CCDC171: variants seen among roughly 807,000 people sequenced by gnomAD.
CCDC171 encodes the protein coiled-coil domain containing 171.
A neutral mutation model predicts 168.2 loss-of-function variants in CCDC171; 177 were observed. The ratio of observed to expected loss-of-function variants is 1.05; its 90% CI spans 0.93 to 1.19. The LOEUF is 1.19. Among genes scored for constraint, CCDC171 ranks in the 50% most tolerant of loss-of-function variants. The probability of loss-of-function intolerance (pLI) is 0.00; values close to 1 mark genes in which losing one functional copy is unlikely to be tolerated. For synonymous variants in CCDC171, 687 were observed against 540.8 expected, an observed-to-expected ratio of 1.27 and a Z score of -3.75; for missense variants, 1,991 against 1,539.0, an observed-to-expected ratio of 1.29 and a Z score of -4.91.
At chr9:15,923,747 T>C (rs566863829) in intron 25 of CCDC171, among the ~76,000 whole-genome samples, 1 of 151,644 alleles carries the variant, frequency 6.6e-6, no homozygotes, top group South Asian at 2.1e-4. Context: ...GTGTTGTACA[T>C]GATAAATACA....
At chr9:15,622,528 A>AG (rs1452622225) in intron 6 of CCDC171, among the ~76,000 whole-genome samples, 2 of 152,208 alleles carry the variant, frequency 1.3e-5, no homozygotes, top group Non-Finnish European at 2.9e-5. Context: ...TACTGTGGTG[A>AG]GGGAAATGTG....
chr9:15,715,879 C>T (rs751328187), intron 11 of CCDC171, among the ~76,000 whole-genome samples: 3 of 152,098 alleles, frequency 2.0e-5, no homozygotes, highest in Non-Finnish European at 2.9e-5. Flanking sequence ...TAAAAGGAAA[C>T]GTGTAAATAG....
intron 9 of CCDC171, among the ~76,000 whole-genome samples, chr9:15,670,136 T>C (rs962195178): frequency 6.6e-6 from 1 of 152,028 alleles, no homozygotes; most frequent in Non-Finnish European, 1.5e-5. Context: ...CTCCACTTAC[T>C]CCTTCTTGGT....
chr9:16,052,134 C>G (rs1032970460), intron 1 of CCDC171, among the ~76,000 whole-genome samples: 1 of 152,198 alleles, frequency 6.6e-6, no homozygotes, highest in Admixed American at 6.5e-5. Flanking sequence ...AACCAAATCA[C>G]CCCTTTTGTT....
At chr9:16,068,362 C>T in the CCDC171 span, among the ~76,000 whole-genome samples, 3 of 151,980 alleles carry the variant, frequency 2.0e-5, no homozygotes, top group South Asian at 2.1e-4. Flanking sequence ...GAATCAATAT[C>T]GTGAAAATGG....
chr9:16,017,247 A>G (rs1833049304), intron 3 of CCDC171, among the ~76,000 whole-genome samples: 1 of 152,166 alleles, frequency 6.6e-6, no homozygotes, highest in African/African-American at 2.4e-5. Flanking sequence ...TTATTGGTAT[A>G]TTGACATTAT....
chr9:15,908,269 T>C (rs991117215), intron 24 of CCDC171, among the ~76,000 whole-genome samples: 6 of 152,170 alleles, frequency 3.9e-5, no homozygotes, highest in Admixed American at 2.6e-4. Flanking sequence ...TGTCCAACCA[T>C]GATAGACTGG....
intron 6 of CCDC171, among the ~76,000 whole-genome samples, chr9:15,618,329 C>G (rs2044245306): frequency 6.6e-6 from 1 of 152,214 alleles, no homozygotes; most frequent in Non-Finnish European, 1.5e-5. Flanking sequence ...CAGGAGAAAA[C>G]CACCTACGAA....
chr9:16,019,194 C>G (rs911553558), intron 3 of CCDC171, among the ~76,000 whole-genome samples: 1 of 152,146 alleles, frequency 6.6e-6, no homozygotes. Context: ...GAACCCTGAC[C>G]TCTTCTCTCC....
At chr9:15,788,795 C>T (rs2058100029) in intron 21 of CCDC171, among the ~76,000 whole-genome samples, 1 of 151,940 alleles carries the variant, frequency 6.6e-6, no homozygotes, top group Non-Finnish European at 1.5e-5. Flanking sequence ...TCAAGCGATC[C>T]CCTTGTCTTG....
At chr9:15,636,235 G>A (rs997238362) in intron 7 of CCDC171, among the ~76,000 whole-genome samples, 1 of 152,030 alleles carries the variant, frequency 6.6e-6, no homozygotes, top group Non-Finnish European at 1.5e-5. Flanking sequence ...CAACAGAAAT[G>A]CCAAATATGA....
At chr9:15,791,711 C>G (rs566990344) in intron 21 of CCDC171, among the ~76,000 whole-genome samples, 44 of 152,288 alleles carry the variant, frequency 2.9e-4, no homozygotes, top group African/African-American at 1.1e-3. Context: ...ACCCGGCAAA[C>G]AGGGTCTGGA....
At chr9:16,095,940 A>G in the CCDC171 span, among the ~76,000 whole-genome samples, 3 of 148,916 alleles carry the variant, frequency 2.0e-5, no homozygotes, top group Admixed American at 6.8e-5. Flanking sequence ...GGGTATGTCT[A>G]TATATAATAT....
intron 7 of CCDC171, among the ~76,000 whole-genome samples, chr9:15,655,179 T>A (rs1490863912): frequency 1.3e-5 from 2 of 149,484 alleles, no homozygotes; most frequent in African/African-American, 2.4e-5. Context: ...ACTTAAAGTA[T>A]AAAAAAAAAA....
Position 15,777,618 on chromosome 9 carries a change from G to C in CCDC171, c.2690G>C (p.Cys897Ser). The change falls in exon 19 of 26, where the codon TGT (cysteine) becomes TCT (serine). Residue 897 changes from cysteine (C) to serine (S), a missense_variant. By Grantham distance (112) the Cys-to-Ser change is moderately radical. Transcript: ENST00000380701. ...TTTGAAGATCCAAATTCCAGAATTTGTGGACATTTACTCATAGGTGCAGCC... is the reference window on the plus strand; with the variant it reads ...TTTGAAGATCCAAATTCCAGAATTTCTGGACATTTACTCATAGGTGCAGCC... ...IGKADPNSRICGHLLIGAAKN... is the reference protein window; with the variant it reads ...IGKADPNSRISGHLLIGAAKN... The C allele has an allele frequency of 6.3e-7, 1 of 1,598,570 alleles. No homozygotes were observed. Among genetic ancestry groups the C allele is most frequent in the Admixed American group, 1.8e-5 (1 of 55,330 alleles).
intron 7 of CCDC171, 135 bp downstream of exon 7, chr9:15,623,548 T>G (rs2044753137): frequency 4.1e-6 from 2 of 489,544 alleles, no homozygotes; most frequent in Non-Finnish European, 6.7e-6. Context: ...AGTTTTACTC[T>G]GTGATAATAT....
At chr9:15,967,650 A>T (rs2132737904) in intron 25 of CCDC171, among the ~76,000 whole-genome samples, 1 of 152,314 alleles carries the variant, frequency 6.6e-6, no homozygotes, top group East Asian at 1.9e-4. Context: ...TGGATGGACT[A>T]ATTTACCTGC....
chr9:15,670,103 C>T (rs530421930), intron 9 of CCDC171, among the ~76,000 whole-genome samples: 3 of 152,172 alleles, frequency 2.0e-5, no homozygotes, highest in Admixed American at 2.0e-4. Flanking sequence ...GACAAGGCAT[C>T]TCCTTAACCT....
At chr9:15,921,726 A>G (rs1282816840) in intron 25 of CCDC171, among the ~76,000 whole-genome samples, 1 of 151,652 alleles carries the variant, frequency 6.6e-6, no homozygotes, top group Non-Finnish European at 1.5e-5. Context: ...ATGAGAGATT[A>G]GTAAATTTGA....
Sources: allele counts gnomAD v4.1 joint callset (sites outside exome capture counted in the v4.1 genomes callset), GRCh38; gene constraint gnomAD v4.1.1; transcripts MANE v1.5; gene names NCBI Gene and HGNC (gene_info 2026-07-23, HGNC 2026-07-21).